The following BACH2 variants were observed in gnomAD, a reference collection of about 807,000 sequenced individuals.
BACH2 encodes the protein transcription regulator protein BACH2.
BACH2 carries 5 observed loss-of-function variants against 61.8 expected under a neutral mutation model. The ratio of observed to expected loss-of-function variants is 0.08; its 90% CI spans 0.04 to 0.17. The LOEUF is 0.17. Ranked by LOEUF, BACH2 falls within the 10% of genes least tolerant of loss-of-function variation. The pLI, the probability that BACH2 is intolerant of heterozygous loss-of-function variation, is 1.00. For missense variants in BACH2, 824 were observed against 1,091.1 expected, an observed-to-expected ratio of 0.76 and a Z score of 3.45; for synonymous variants, 446 against 440.1, an observed-to-expected ratio of 1.01 and a Z score of -0.17.
intron 4 of BACH2, among the ~76,000 whole-genome samples, chr6:90,205,102 C>T (rs963896895): frequency 2.6e-5 from 4 of 152,162 alleles, no homozygotes; most frequent in African/African-American, 7.2e-5. Context: ...CAGGGCCCTT[C>T]GTGCCCATGA....
chr6:90,264,755 C>T (rs1771270896), intron 2 of BACH2, among the ~76,000 whole-genome samples: 1 of 152,112 alleles, frequency 6.6e-6, no homozygotes, highest in African/African-American at 2.4e-5. Context: ...TTGGGGTTTC[C>T]TCGTCTTTCC....
intron 3 of BACH2, among the ~76,000 whole-genome samples, chr6:90,242,020 T>C (rs1770472432): frequency 6.6e-6 from 1 of 152,174 alleles, no homozygotes; most frequent in African/African-American, 2.4e-5. Flanking sequence ...TCTTCCCCGT[T>C]TCCCCTGTTA....
intron 3 of BACH2, among the ~76,000 whole-genome samples, chr6:90,208,512 C>T (rs1737617832): frequency 6.6e-6 from 1 of 152,202 alleles, no homozygotes; most frequent in Non-Finnish European, 1.5e-5. Context: ...GATACCACCT[C>T]ACACCAGTTA....
At chr6:90,098,497 G>A (rs1183987946) in intron 4 of BACH2, among the ~76,000 whole-genome samples, 13 of 152,080 alleles carry the variant, frequency 8.5e-5, no homozygotes, top group East Asian at 3.9e-4. Context: ...TTAGCCTAGC[G>A]CTTTAAGAGA....
intron 4 of BACH2, among the ~76,000 whole-genome samples, chr6:90,175,242 T>C (rs1482386369): frequency 3.9e-5 from 6 of 152,168 alleles, no homozygotes; most frequent in Non-Finnish European, 1.5e-5. Flanking sequence ...TTTTTCTATA[T>C]CTAAGTTTTG....
intron 4 of BACH2, among the ~76,000 whole-genome samples, chr6:90,115,847 A>G (rs1783375764): frequency 6.6e-6 from 1 of 152,214 alleles, no homozygotes; most frequent in South Asian, 2.1e-4. Flanking sequence ...AACCCTGTTC[A>G]AAAGGGGGCA....
intron 5 of BACH2, among the ~76,000 whole-genome samples, chr6:90,014,944 ATTTTTT>A (rs386407909): frequency 3.0e-5 from 4 of 133,652 alleles, no homozygotes; most frequent in African/African-American, 8.4e-5. Flanking sequence ...ATGTTCAGCT[ATTTTTT>A]TTTTTTTTTT....
chr6:90,111,178 A>G lies in BACH2; in HGVS notation c.-161-22069T>C, dbSNP rs182007099. Reference sequence around the variant, plus strand: ...TAGTTTTAACCTTGCATTCCCTGATAAGATCTTGCGGGCCCCCAGGAACCC... The same window carrying G: ...TAGTTTTAACCTTGCATTCCCTGATGAGATCTTGCGGGCCCCCAGGAACCC... On this transcript the variant is annotated intron_variant, in intron 4 of 8. Coordinates refer to ENST00000257749, the MANE Select transcript of BACH2 (RefSeq NM_021813.4). 6.6e-5 allele frequency among the ~76,000 whole-genome samples: 10 copies of G among 152,268 alleles called. No individual in the cohort carries two copies. In the East Asian group the frequency reaches 1.9e-3, roughly 29 times the overall value.
At position 90,277,975 on chromosome 6, in the gene BACH2, T is replaced by C. The variant is rs569326832; in HGVS notation, c.-445-6034A>G. On this transcript the variant is annotated intron_variant, in intron 1 of 8. Coordinates refer to ENST00000257749, the MANE Select transcript of BACH2 (RefSeq NM_021813.4). ...CACAAAATGTTAGTATAAACATAACTGGCAAGATAATATTATCAGTTTTGC... is the reference window on the plus strand; with the variant it reads ...CACAAAATGTTAGTATAAACATAACCGGCAAGATAATATTATCAGTTTTGC... 2.4e-4 allele frequency among the ~76,000 whole-genome samples: 36 copies of C among 152,370 alleles called. No individual in the cohort carries two copies. In the South Asian group the frequency reaches 7.5e-3, roughly 32 times the overall value.
chr6:90,041,344 T>C (rs991817711), intron 5 of BACH2, among the ~76,000 whole-genome samples: 6 of 151,714 alleles, frequency 4.0e-5, no homozygotes, highest in Non-Finnish European at 7.4e-5. Context: ...CCATCACTTC[T>C]GATTTTATAA....
At chr6:90,108,909 T>C (rs935305452) in intron 4 of BACH2, among the ~76,000 whole-genome samples, 2 of 152,208 alleles carry the variant, frequency 1.3e-5, no homozygotes, top group Non-Finnish European at 2.9e-5. Flanking sequence ...ATCACTATTC[T>C]TGAGCTCTGG....
chr6:90,025,741 G>A (rs956027656), intron 5 of BACH2, among the ~76,000 whole-genome samples: 7 of 152,194 alleles, frequency 4.6e-5, no homozygotes, highest in Non-Finnish European at 1.0e-4. Context: ...GGGAAAATAC[G>A]AGGATGGGAA....
intron 3 of BACH2, among the ~76,000 whole-genome samples, chr6:90,216,818 C>T (rs1432738369): frequency 6.6e-6 from 1 of 151,958 alleles, no homozygotes; most frequent in Non-Finnish European, 1.5e-5. Flanking sequence ...TGTCATGACC[C>T]GGGGGAGGGT....
intron 5 of BACH2, among the ~76,000 whole-genome samples, chr6:90,069,158 C>T (rs545970457): frequency 5.9e-5 from 9 of 152,238 alleles, no homozygotes; most frequent in East Asian, 3.9e-4. Context: ...AGCCTGAAGA[C>T]GGGATCCTAT....
chr6:89,932,402 G>A lies in BACH2; in HGVS notation c.*6C>T, dbSNP rs202088643. The A allele has an allele frequency of 1.6e-5, 26 of 1,603,302 alleles. No individual in the cohort carries two copies. Among genetic ancestry groups the A allele is most frequent in the South Asian group, 4.4e-5 (4 of 90,878 alleles). ...GGTGTGCGGACTGGGAGGCAGAGCC[G>A]AGTCACTAGGTATAATCTTTCCTGG... is the stretch of plus-strand genomic sequence containing the variant. On this transcript the variant is annotated 3_prime_UTR_variant, in exon 9 of 9. Coordinates refer to ENST00000257749, the MANE Select transcript of BACH2 (RefSeq NM_021813.4).
At chr6:89,990,632 C>G (rs1055049560) in intron 6 of BACH2, among the ~76,000 whole-genome samples, 1 of 151,990 alleles carries the variant, frequency 6.6e-6, no homozygotes, top group Non-Finnish European at 1.5e-5. Flanking sequence ...CCAATACCCA[C>G]CCCCACCGAC....
At chr6:90,149,541 T>C (rs539337369) in intron 4 of BACH2, among the ~76,000 whole-genome samples, 1 of 152,296 alleles carries the variant, frequency 6.6e-6, no homozygotes, top group Admixed American at 6.5e-5. Flanking sequence ...GCATCAAACA[T>C]CTCAGTTGGT....
intron 3 of BACH2, among the ~76,000 whole-genome samples, chr6:90,225,835 T>C (rs1202846327): frequency 2.0e-5 from 3 of 152,120 alleles, no homozygotes; most frequent in Non-Finnish European, 4.4e-5. Context: ...TTACATAGGA[T>C]AGTCAGGGTG....
At chr6:90,097,873 T>C (rs1353133172) in intron 4 of BACH2, among the ~76,000 whole-genome samples, 5 of 152,122 alleles carry the variant, frequency 3.3e-5, no homozygotes, top group South Asian at 2.1e-4. Context: ...AAATAAACTT[T>C]TGGGCATGCA....
Sources: allele counts gnomAD v4.1 joint callset (sites outside exome capture counted in the v4.1 genomes callset), GRCh38; gene constraint gnomAD v4.1.1; transcripts MANE v1.5; gene names NCBI Gene and HGNC (gene_info 2026-07-23, HGNC 2026-07-21).